Variants in SYT1 observed in about 807,000 individuals in gnomAD.
SYT1 encodes synaptotagmin 1.
Under a neutral mutation model 44.8 loss-of-function variants are expected in SYT1, and 8 were observed. The ratio of observed to expected loss-of-function variants is 0.18; its 90% confidence interval spans 0.10 to 0.32. SYT1 has a LOEUF of 0.32. SYT1 is among the 10% of genes least tolerant of loss of function. The probability of loss-of-function intolerance (pLI) is 1.00; values close to 1 mark genes in which losing one functional copy is unlikely to be tolerated. For synonymous variants in SYT1, 154 were observed against 188.8 expected, an observed-to-expected ratio of 0.82 and a Z score of 1.51; for missense variants, 286 against 509.3, an observed-to-expected ratio of 0.56 and a Z score of 4.22.
At chr12:79,292,446 C>A (rs1479691121) in intron 6 of SYT1, among the ~76,000 whole-genome samples, 2 of 152,202 alleles carry the variant, frequency 1.3e-5, no homozygotes, top group African/African-American at 4.8e-5. Flanking sequence ...TCTCAGCTTC[C>A]TCAGCCTGAG....
chr12:78,982,376 C>T (rs1382270742), intron 2 of SYT1, among the ~76,000 whole-genome samples: 1 of 152,054 alleles, frequency 6.6e-6, no homozygotes, highest in Non-Finnish European at 1.5e-5. Flanking sequence ...TCTAAAATCC[C>T]TTTTAACTCT....
At chr12:79,202,821 G>C (rs73343546) in intron 3 of SYT1, among the ~76,000 whole-genome samples, 9,385 of 152,210 alleles carry the variant, frequency 0.062, 579 homozygotes, top group African/African-American at 0.16. Flanking sequence ...TTTTAAAGCA[G>C]CTTAAACCAA....
intron 4 of SYT1, among the ~76,000 whole-genome samples, chr12:79,276,037 C>T (rs1878700735): frequency 6.6e-6 from 1 of 152,138 alleles, no homozygotes; most frequent in Non-Finnish European, 1.5e-5. Context: ...AAACTATACA[C>T]ATTATAGTCA....
chr12:79,360,800 A>C (rs1883289682), intron 9 of SYT1, among the ~76,000 whole-genome samples: 1 of 152,218 alleles, frequency 6.6e-6, no homozygotes, highest in Non-Finnish European at 1.5e-5. Context: ...TTCGTAAAAC[A>C]TGAACAGATT....
At chr12:79,252,985 G>A (rs1229101419) in intron 4 of SYT1, among the ~76,000 whole-genome samples, 3 of 152,106 alleles carry the variant, frequency 2.0e-5, no homozygotes, top group Non-Finnish European at 4.4e-5. Flanking sequence ...GAAGTGGAAT[G>A]GTGGGGAGCA....
chr12:78,970,505 C>A (rs1868348255), intron 1 of SYT1, among the ~76,000 whole-genome samples: 1 of 152,024 alleles, frequency 6.6e-6, no homozygotes, highest in Non-Finnish European at 1.5e-5. Flanking sequence ...TATGTTTCAG[C>A]AATACACAGA....
intron 1 of SYT1, among the ~76,000 whole-genome samples, chr12:78,866,758 G>C (rs1873566013): frequency 6.6e-6 from 1 of 152,078 alleles, no homozygotes; most frequent in Non-Finnish European, 1.5e-5. Flanking sequence ...TTTATCAGGG[G>C]AAATGCAGAG....
chr12:78,913,307 CA>C (rs1486050297), intron 1 of SYT1, among the ~76,000 whole-genome samples: 1 of 151,128 alleles, frequency 6.6e-6, no homozygotes, highest in African/African-American at 2.4e-5. Flanking sequence ...TTAAACTAAG[CA>C]AAATACACTC....
intron 1 of SYT1, among the ~76,000 whole-genome samples, chr12:78,890,467 A>C (rs1874990592): frequency 6.6e-6 from 1 of 151,938 alleles, no homozygotes; most frequent in African/African-American, 2.4e-5. Flanking sequence ...GCAGCACACC[A>C]ACAAGGCACT....
At chr12:79,371,143 CAT>C (rs1341478143) in intron 9 of SYT1, among the ~76,000 whole-genome samples, 2 of 152,078 alleles carry the variant, frequency 1.3e-5, no homozygotes, top group Admixed American at 6.5e-5. Context: ...TGGTTATCCC[CAT>C]ATATGAATGA....
chr12:79,210,090 C>G (rs747249796), intron 3 of SYT1, among the ~76,000 whole-genome samples: 8 of 152,074 alleles, frequency 5.3e-5, no homozygotes, highest in Non-Finnish European at 1.2e-4. Flanking sequence ...ACTATGTAAT[C>G]TGAGAAATCT....
intron 5 of SYT1, among the ~76,000 whole-genome samples, chr12:79,288,705 C>T (rs1382141980): frequency 6.6e-6 from 1 of 152,168 alleles, no homozygotes; most frequent in Non-Finnish European, 1.5e-5. Context: ...AAAATATTCA[C>T]ATGTAAAGTC....
chr12:79,193,228 T>A (rs1321124799), intron 3 of SYT1, among the ~76,000 whole-genome samples: 1 of 152,172 alleles, frequency 6.6e-6, no homozygotes, highest in Non-Finnish European at 1.5e-5. Context: ...TGAAGCCTTA[T>A]TTTTTACAAA....
At chr12:79,256,674 C>A (rs1033975717) in intron 4 of SYT1, among the ~76,000 whole-genome samples, 5 of 152,156 alleles carry the variant, frequency 3.3e-5, no homozygotes, top group Non-Finnish European at 5.9e-5. Flanking sequence ...CTACTAATAG[C>A]AGATATGCTT....
intron 1 of SYT1, among the ~76,000 whole-genome samples, chr12:78,884,090 A>G (rs1020092196): frequency 2.0e-5 from 3 of 151,748 alleles, no homozygotes; most frequent in East Asian, 1.9e-4. Flanking sequence ...TCTTTCAGTC[A>G]GCCACTGTTA....
chr12:79,438,756 C>T (rs1870236154), intron 9 of SYT1, among the ~76,000 whole-genome samples: 1 of 152,200 alleles, frequency 6.6e-6, no homozygotes, highest in Non-Finnish European at 1.5e-5. Context: ...TTCCCTCTCA[C>T]ATGGCATAGT....
chr12:78,934,173 TAC>T (rs78125687), intron 1 of SYT1, among the ~76,000 whole-genome samples: 42 of 148,118 alleles, frequency 2.8e-4, no homozygotes, highest in Non-Finnish European at 4.3e-4. Flanking sequence ...CACACACACA[TAC>T]ACACACACAC....
intron 9 of SYT1, among the ~76,000 whole-genome samples, chr12:79,442,397 A>T (rs1323689589): frequency 6.6e-6 from 1 of 152,064 alleles, no homozygotes; most frequent in Non-Finnish European, 1.5e-5. Flanking sequence ...CCAACTCTTT[A>T]GTTTGTGGAG....
At chr12:78,909,915 T>C (rs10506792) in intron 1 of SYT1, among the ~76,000 whole-genome samples, 8,098 of 151,996 alleles carry the variant, frequency 0.053, 311 homozygotes, top group East Asian at 0.19. Context: ...TCTCTTTAAA[T>C]AATAGTCATT....
Sources: allele counts gnomAD v4.1 joint callset (sites outside exome capture counted in the v4.1 genomes callset), GRCh38; gene constraint gnomAD v4.1.1; transcripts MANE v1.5; gene names NCBI Gene and HGNC (gene_info 2026-07-23, HGNC 2026-07-21).